SEMA3A: variants seen among roughly 807,000 people sequenced by gnomAD.
SEMA3A encodes semaphorin 3A.
Under a neutral mutation model 97.9 loss-of-function variants are expected in SEMA3A, and 29 were observed. The ratio of observed to expected loss-of-function variants is 0.30; its 90% confidence interval spans 0.22 to 0.40. SEMA3A has a LOEUF of 0.40. SEMA3A is among the 10% of genes least tolerant of loss of function. SEMA3A has a pLI of 1.00. For missense variants in SEMA3A, 763 were observed against 951.3 expected, an observed-to-expected ratio of 0.80 and a Z score of 2.60; for synonymous variants, 321 against 323.7, an observed-to-expected ratio of 0.99 and a Z score of 0.09.
chr7:83,993,416 G>T (rs979999918), intron 12 of SEMA3A, among the ~76,000 whole-genome samples: 8 of 151,870 alleles, frequency 5.3e-5, no homozygotes, highest in Admixed American at 3.3e-4. Flanking sequence ...AGTCTTGATG[G>T]TGTTTACATT....
intron 3 of SEMA3A, among the ~76,000 whole-genome samples, chr7:84,249,768 C>T (rs1584167758): frequency 6.7e-6 from 1 of 150,256 alleles, no homozygotes; most frequent in East Asian, 2.1e-4. Context: ...ACATCATCTT[C>T]CTGAGATTCC....
intron 1 of SEMA3A, among the ~76,000 whole-genome samples, chr7:84,141,816 T>C (rs1473086039): frequency 2.0e-5 from 3 of 152,184 alleles, no homozygotes; most frequent in Non-Finnish European, 4.4e-5. Context: ...ATTAGTTTGC[T>C]AAGGATAATG....
At chr7:84,010,666 T>C (rs1392009856) in intron 9 of SEMA3A, among the ~76,000 whole-genome samples, 1 of 152,196 alleles carries the variant, frequency 6.6e-6, no homozygotes, top group South Asian at 2.1e-4. Context: ...AATTTTTCCA[T>C]CCTTAATTTA....
chr7:84,338,822 T>C (rs1029779912), intron 2 of SEMA3A, among the ~76,000 whole-genome samples: 1 of 152,180 alleles, frequency 6.6e-6, no homozygotes, highest in South Asian at 2.1e-4. Flanking sequence ...CTAACACTCC[T>C]TAAAAGAAGA....
intron 1 of SEMA3A, among the ~76,000 whole-genome samples, chr7:84,422,529 C>G (rs1804629437): frequency 6.6e-6 from 1 of 151,952 alleles, no homozygotes; most frequent in Non-Finnish European, 1.5e-5. Flanking sequence ...CAGTTCTGCT[C>G]TGATCTTAGT....
intron 1 of SEMA3A, among the ~76,000 whole-genome samples, chr7:84,169,415 T>G (rs1797314745): frequency 6.6e-6 from 1 of 150,740 alleles, no homozygotes; most frequent in Non-Finnish European, 1.5e-5. Flanking sequence ...GATAATCATT[T>G]ATGTATTTAA....
chr7:84,353,151 A>G (rs1802474973), intron 2 of SEMA3A, among the ~76,000 whole-genome samples: 1 of 151,806 alleles, frequency 6.6e-6, no homozygotes, highest in South Asian at 2.1e-4. Context: ...AATAGTTTTT[A>G]TATCATATTG....
At chr7:84,094,716 A>T (rs949855963) in intron 4 of SEMA3A, among the ~76,000 whole-genome samples, 1 of 152,122 alleles carries the variant, frequency 6.6e-6, no homozygotes, top group Non-Finnish European at 1.5e-5. Flanking sequence ...ACTAAAACAC[A>T]CTTTGCAACA....
In SEMA3A at chr7:84,119,758, G is replaced by A. The variant is rs142357618; in HGVS notation, c.334-9169C>T. Reference sequence around the variant, plus strand: ...ACTAAACACAAGTATTACAAACTACGTGTCAGTGGGACTTGGATCAACTTG... The same window carrying A: ...ACTAAACACAAGTATTACAAACTACATGTCAGTGGGACTTGGATCAACTTG... On this transcript the variant is annotated intron_variant, in intron 3 of 16. Coordinates refer to ENST00000265362, the MANE Select transcript of SEMA3A (RefSeq NM_006080.3). 6.4e-3 allele frequency among the ~76,000 whole-genome samples: 981 copies of A among 152,232 alleles called. 3 individuals are homozygous for A. The highest frequency in any genetic ancestry group is 0.011 in the Non-Finnish European group (756 of 67,982).
intron 1 of SEMA3A, among the ~76,000 whole-genome samples, chr7:84,443,213 T>C (rs1006785607): frequency 3.3e-5 from 5 of 152,086 alleles, no homozygotes; most frequent in Non-Finnish European, 7.4e-5. Flanking sequence ...TCAGGATATA[T>C]CATACATTAG....
At position 84,268,479 on chromosome 7, in the gene SEMA3A, T is replaced by C. The variant is rs116332734; in HGVS notation, c.-83+38728A>G. On this transcript the variant is annotated intron_variant, in intron 3 of 3. Transcript: ENST00000424555. Reference sequence around the variant, plus strand: ...AATGAGAGGGGAAGGCTCTGTGAAATATCTGAGTGCCTACTTCAGTAGAGC... The same window carrying C: ...AATGAGAGGGGAAGGCTCTGTGAAACATCTGAGTGCCTACTTCAGTAGAGC... Among the ~76,000 whole-genome samples the C allele has an allele frequency of 6.6e-3, 1,005 of 152,084 alleles. 11 individuals carry two copies. Among genetic ancestry groups the C allele is most frequent in the African/African-American group, 0.023 (943 of 41,498 alleles).
At chr7:84,026,739 A>T (rs1306040651) in intron 6 of SEMA3A, among the ~76,000 whole-genome samples, 1 of 152,190 alleles carries the variant, frequency 6.6e-6, no homozygotes, top group Non-Finnish European at 1.5e-5. Flanking sequence ...TAGCAAACTA[A>T]CACAGGAACA....
rs188749255 is a variant in SEMA3A at position 84,129,123 on chromosome 7, C to G, written c.333G>C (p.Leu111=). 1 of 1,607,014 alleles carries G rather than the reference C, an allele frequency of 6.2e-7. No homozygotes were observed. The highest frequency in any genetic ancestry group is 8.5e-7 in the Non-Finnish European group (1 of 1,173,844). ...DECKWAGKDI[L]KECANFIKVL... Reference sequence around the variant, plus strand: ...AATAATTTAGTAGGTTAATGCTTACCAGGATGTCTTTTCCAGCCCACTTGC... The same window carrying G: ...AATAATTTAGTAGGTTAATGCTTACGAGGATGTCTTTTCCAGCCCACTTGC... The change falls in exon 3 of 17, where the codon CTG becomes CTC. Residue 111 remains leucine, a splice_region_variant and synonymous_variant. Coordinates refer to ENST00000265362, the MANE Select transcript of SEMA3A (RefSeq NM_006080.3).
chr7:84,447,642 C>T (rs1188261304), intron 1 of SEMA3A, among the ~76,000 whole-genome samples: 1 of 152,204 alleles, frequency 6.6e-6, no homozygotes, highest in Non-Finnish European at 1.5e-5. Context: ...CTTCGGGTCT[C>T]CTAAGAGCTG....
chr7:84,379,031 C>A (rs922222147), intron 1 of SEMA3A, among the ~76,000 whole-genome samples: 1 of 151,880 alleles, frequency 6.6e-6, no homozygotes, highest in Non-Finnish European at 1.5e-5. Flanking sequence ...AGGTTCATGC[C>A]GTTCTCCTGC....
intron 9 of SEMA3A, among the ~76,000 whole-genome samples, chr7:84,009,326 CT>C (rs1450277453): frequency 2.0e-5 from 3 of 152,112 alleles, no homozygotes; most frequent in Non-Finnish European, 1.5e-5. Flanking sequence ...TTCTGGTTTT[CT>C]TTTTTTCCAA....
At chr7:84,174,396 A>G (rs1265706913) in intron 1 of SEMA3A, among the ~76,000 whole-genome samples, 2 of 152,216 alleles carry the variant, frequency 1.3e-5, no homozygotes, top group African/African-American at 4.8e-5. Context: ...GGGTTTAAAT[A>G]GTGAAATGTG....
intron 5 of SEMA3A, among the ~76,000 whole-genome samples, chr7:84,055,373 C>A (rs1792918875): frequency 6.6e-6 from 1 of 152,194 alleles, no homozygotes; most frequent in Non-Finnish European, 1.5e-5. Flanking sequence ...GGGCGTAGGA[C>A]CCTCCCAGCC....
At chr7:84,139,399 C>T (rs1472441470) in intron 1 of SEMA3A, among the ~76,000 whole-genome samples, 1 of 151,976 alleles carries the variant, frequency 6.6e-6, no homozygotes, top group Non-Finnish European at 1.5e-5. Context: ...ATTAAAGATG[C>T]CATTTCAGAA....
Sources: allele counts gnomAD v4.1 joint callset (sites outside exome capture counted in the v4.1 genomes callset), GRCh38; gene constraint gnomAD v4.1.1; transcripts MANE v1.5; gene names NCBI Gene and HGNC (gene_info 2026-07-23, HGNC 2026-07-21).